The following MLXIPL variants were observed in gnomAD, a reference collection of about 807,000 sequenced individuals.
MLXIPL encodes MLX interacting protein like, also known as carbohydrate-responsive element-binding protein.
Under a neutral mutation model 81.5 loss-of-function variants are expected in MLXIPL, and 49 were observed. The observed-to-expected ratio is 0.60, with a 90% confidence interval of 0.48 to 0.76. The LOEUF is 0.76. MLXIPL is among the 30% of genes least tolerant of loss of function. The pLI, the probability that MLXIPL is intolerant of heterozygous loss-of-function variation, is 0.00. For missense variants in MLXIPL, 1,053 were observed against 1,167.0 expected (o/e 0.90, Z 1.42); for synonymous variants, 466 against 485.5 (o/e 0.96, Z 0.53).
the MLXIPL span, among the ~76,000 whole-genome samples, chr7:73,635,292 G>T: frequency 1.3e-5 from 2 of 152,096 alleles, no homozygotes; most frequent in African/African-American, 4.8e-5. Flanking sequence ...AGTGGAGGAG[G>T]AGGTAGAGAA....
At chr7:73,647,178 C>G in the MLXIPL span, among the ~76,000 whole-genome samples, 12 of 152,308 alleles carry the variant, frequency 7.9e-5, no homozygotes, top group Admixed American at 2.0e-4. Flanking sequence ...GGCTTTCCCC[C>G]CTGGGCAGAG....
chr7:73,593,738 AC>A lies in MLXIPL; in HGVS notation c.*126del. ...AAGTGTGAAACCTGGACCCTGCTCCACCCCCCAGGGAAGGGCAGAGCCAGGG... is the reference window on the plus strand; with the variant it reads ...AAGTGTGAAACCTGGACCCTGCTCCACCCCCAGGGAAGGGCAGAGCCAGGG... On this transcript the variant is annotated 3_prime_UTR_variant, in exon 17 of 17. Transcript: ENST00000313375. 3.5e-6 allele frequency: 3 copies of A among 861,030 alleles called. No homozygotes were observed. Among genetic ancestry groups the A allele is most frequent in the Middle Eastern group, 3.3e-4 (1 of 3,008 alleles). The allele number at this position is 861,030 out of a possible 1,614,324, so 53.3% of individuals were successfully genotyped here. A position where few individuals can be genotyped will look rare whatever the true frequency, so the allele number is the denominator to read the frequency against.
rs372922241 is a variant in MLXIPL, at chr7:73,597,223, G to A, written c.1562C>T (p.Ala521Val). ...TGTGAGGCAGGGGTTGTTGCTCCCC[G>A]CAGTGGTGGGGGGACTGGCAGTGGC... is the stretch of plus-strand genomic sequence containing the variant. ...APATASPPTT[A>V]GSNNPCLTQL... Residue 521 changes from alanine to valine, a missense_variant, in exon 9 of 17, where the codon GCG becomes GTG. Ala to Val is a moderately conservative substitution (Grantham distance 64). Coordinates refer to ENST00000313375, the MANE Select transcript of MLXIPL (RefSeq NM_032951.3). The A allele has an allele frequency of 2.9e-5, 46 of 1,604,406 alleles. No homozygotes were observed. The highest frequency in any genetic ancestry group is 3.6e-5 in the Non-Finnish European group (42 of 1,177,812).
intron 1 of MLXIPL, among the ~76,000 whole-genome samples, chr7:73,617,361 G>T (rs1796067385): frequency 6.6e-6 from 1 of 152,056 alleles, no homozygotes; most frequent in Non-Finnish European, 1.5e-5. Flanking sequence ...TGCCTTCATG[G>T]TACAGTCCTT....
chr7:73,620,760 A>G (rs1796298762), intron 1 of MLXIPL, among the ~76,000 whole-genome samples: 1 of 139,002 alleles, frequency 7.2e-6, no homozygotes, highest in Admixed American at 7.2e-5. Flanking sequence ...AAAAGAAAAG[A>G]AAGAAAAAGG....
In MLXIPL at chr7:73,596,867, G is replaced by A. The variant is rs782771428; in HGVS notation, c.1669C>T (p.Pro557Ser). The change falls in exon 10 of 17, where the codon CCG (proline) becomes TCG (serine). Residue 557 changes from proline (P) to serine (S), a missense_variant and splice_region_variant. This residue lies in a region of MLXIPL where 823 missense variants were observed against 933.0 expected (regional missense o/e 0.88). Transcript: ENST00000313375. This position sits in a 1 kb window ranked among gnomAD's most constrained non-coding sequence, Gnocchi z 4.7. Reference sequence around the variant, plus strand: ...CCGCCCAGTGCCCGAGATCTTACCGGGGACCCTGGGGACCGGAGGAGGGTG... The same window carrying A: ...CCGCCCAGTGCCCGAGATCTTACCGAGGACCCTGGGGACCGGAGGAGGGTG... ...SSTLLRSPGSPQETVPEFPCT... is the reference protein window; with the variant it reads ...SSTLLRSPGSSQETVPEFPCT... 6.2e-6 allele frequency: 10 copies of A among 1,611,242 alleles called. No homozygotes were observed. In the Admixed American group the frequency reaches 1.7e-4, roughly 27 times the overall value.
intron 1 of MLXIPL, among the ~76,000 whole-genome samples, chr7:73,622,362 G>A (rs548034816): frequency 1.3e-4 from 19 of 151,994 alleles, no homozygotes; most frequent in African/African-American, 2.9e-4. Context: ...GGTGGTGGGC[G>A]CCTGTAATCC....
At chr7:73,617,951 A>G (rs1796097932) in intron 1 of MLXIPL, among the ~76,000 whole-genome samples, 2 of 152,194 alleles carry the variant, frequency 1.3e-5, no homozygotes, top group Admixed American at 1.3e-4. Context: ...AGGCCAAGAC[A>G]TTCAGGGTCT....
intron 1 of MLXIPL, among the ~76,000 whole-genome samples, chr7:73,620,576 T>A (rs1796281877): frequency 9.1e-6 from 1 of 110,156 alleles, no homozygotes; most frequent in Non-Finnish European, 1.8e-5. Context: ...CCACCTGTAC[T>A]GAAAAAAAAA....
At position 73,596,423 on chromosome 7, in the gene MLXIPL, T is replaced by C; in HGVS notation, c.1879A>G (p.Ser627Gly). 6.2e-7 allele frequency: 1 copy of C among 1,612,632 alleles called. No individual in the cohort carries two copies. ...GGTTGCGGGGGAGAGACACGGACGC[T>C]CAGAGTCCCAGGGCCTGGCATGGAG... Reference protein sequence around the residue: ...LSSMPGPGTLSVRVSPPQPIL... With the variant: ...LSSMPGPGTLGVRVSPPQPIL... The change falls in exon 12 of 17, where the codon AGC (serine) becomes GGC (glycine). Residue 627 changes from serine to glycine, a missense_variant. Around this residue, in one of 3 missense-constraint regions of MLXIPL, gnomAD observed 823 missense variants for 933.0 expected, o/e 0.88. Transcript: ENST00000313375. This position sits in a 1 kb window ranked among gnomAD's most constrained non-coding sequence, Gnocchi z 4.7.
chr7:73,624,143 C>CG, intron 1 of MLXIPL, 57 bp downstream of exon 1: 1 of 302,540 alleles, frequency 3.3e-6, no homozygotes, highest in Non-Finnish European at 4.8e-6. Flanking sequence ...CTGCCCCGGA[C>CG]CCCCCCCCCA....
chr7:73,631,558 CTTTTTTTTTTT>C, the MLXIPL span, among the ~76,000 whole-genome samples: 9 of 69,668 alleles, frequency 1.3e-4, no homozygotes, highest in South Asian at 1.8e-3. Context: ...GATGTTGCTA[CTTTTTTTTTTT>C]TTTTTTTTTT....
rs1214104011 is a variant in MLXIPL, at chr7:73,595,693, C to T, written c.2254G>A (p.Asp752Asn). The T allele has an allele frequency of 1.9e-6, 3 of 1,614,038 alleles. No individual in the cohort carries two copies. The highest frequency in any genetic ancestry group is 2.7e-5 in the African/African-American group (2 of 74,934). The change falls in exon 15 of 17, where the codon GAC becomes AAC. Residue 752 changes from aspartate (D) to asparagine (N), a missense_variant. This residue lies in a region of MLXIPL where 823 missense variants were observed against 933.0 expected (regional missense o/e 0.88). Transcript: ENST00000313375. ...ITHQRFDQMR[D>N]MFDDYVRTRT... The stretch of plus-strand genomic sequence containing the variant: ...GTTCGGACGTAGTCATCAAACATGT[C>T]TCGCATCTGGTCAAAACGCTGGTGT...
At chr7:73,608,194 C>T (rs547469524) in intron 2 of MLXIPL, among the ~76,000 whole-genome samples, 1 of 152,180 alleles carries the variant, frequency 6.6e-6, no homozygotes, top group East Asian at 1.9e-4. Flanking sequence ...TCCAACCTCC[C>T]ACACCTTCTC....
Position 73,594,549 on chromosome 7 carries a change from T to C in MLXIPL, c.2311-146A>G, listed in dbSNP as rs559489011. On this transcript the variant is annotated intron_variant, in intron 15 of 16. Coordinates refer to ENST00000313375, the MANE Select transcript of MLXIPL (RefSeq NM_032951.3). ...AATGACTCATGTTGCAGCCCCTACT[T>C]CTTCTTTTTTTTTTTTTGAGACGGA... is the stretch of plus-strand genomic sequence containing the variant. 1.6e-3 allele frequency: 1,588 copies of C among 987,874 alleles called. 8 individuals carry two copies. The highest frequency in any genetic ancestry group is 4.7e-3 in the South Asian group (301 of 64,692). The allele number at this position is 987,874 out of a possible 1,614,324, so 61.2% of individuals were successfully genotyped here.
At chr7:73,615,002 G>A (rs1462393178) in intron 2 of MLXIPL, among the ~76,000 whole-genome samples, 1 of 152,046 alleles carries the variant, frequency 6.6e-6, no homozygotes, top group Non-Finnish European at 1.5e-5. Flanking sequence ...AGTAGACACC[G>A]GGTTTCACTG....
intron 7 of MLXIPL, among the ~76,000 whole-genome samples, chr7:73,600,240 T>C (rs1794675764): frequency 7.3e-6 from 1 of 136,666 alleles, no homozygotes; most frequent in Non-Finnish European, 1.6e-5. Flanking sequence ...AGCCTAGGAG[T>C]GGGGTGAAGA....
In MLXIPL at chr7:73,600,184, C is replaced by T. The variant is rs1324828480; in HGVS notation, c.902-489G>A. On this transcript the variant is annotated intron_variant, in intron 7 of 16. Transcript: ENST00000313375. The stretch of plus-strand genomic sequence containing the variant: ...TTGGAGATGAGGGGGAACGTGAGGT[C>T]ACTGGGTCCGGGACAAGCTTGGTTT... Among the ~76,000 whole-genome samples, 3 of 151,214 alleles carry T rather than the reference C, an allele frequency of 2.0e-5. No individual in the cohort carries two copies. The East Asian group carries it at 6.0e-4, about 30-fold the overall frequency.
chr7:73,647,397 G>T, the MLXIPL span, among the ~76,000 whole-genome samples: 1 of 152,124 alleles, frequency 6.6e-6, no homozygotes, highest in Admixed American at 6.5e-5. Context: ...AGGGAGGAAG[G>T]CCCTCCCTCC....
Sources: gnomAD v4.1 joint callset for allele counts (sites outside exome capture counted in the v4.1 genomes callset) on GRCh38, gnomAD v4.1.1 for gene constraint, gnomAD v4.1.1 regional missense constraint, Gnocchi (gnomAD v3.1) non-coding constraint, MANE v1.5 for transcripts, NCBI Gene and HGNC (gene_info 2026-07-23, HGNC 2026-07-21) for gene names.